The following HPGD variants were observed in gnomAD, a reference collection of about 807,000 sequenced individuals.
HPGD encodes 15-hydroxyprostaglandin dehydrogenase [NAD(+)].
In HPGD, 29 loss-of-function variants were observed where a neutral mutation model predicts 30.0. That is an observed-to-expected ratio of 0.97 (90% CI 0.72 to 1.32). The LOEUF (loss-of-function observed/expected upper bound fraction) is 1.32, where lower values mean the gene tolerates loss of function less well. Among genes scored for constraint, HPGD ranks in the 40% most tolerant of loss-of-function variants. The pLI is 0.00. For missense variants in HPGD, 340 were observed against 322.1 expected (o/e 1.06, Z -0.43); for synonymous variants, 99 against 112.4 (o/e 0.88, Z 0.75).
In HPGD at chr4:174,522,417, C is replaced by A; in HGVS notation, c.35G>T (p.Gly12Val). Residue 12 changes from glycine to valine, a missense_variant, in exon 1 of 7, where the codon GGC becomes GTC. Gly to Val is a moderately radical substitution (Grantham distance 109). Transcript: ENST00000296522. ...HVNGKVALVT[G>V]AAQGIGRAFA... The stretch of plus-strand genomic sequence containing the variant: ...GGCTCTGCCTATGCCCTGAGCCGCG[C>A]CGGTCACCAGCGCCACTTTGCCGTT... 1 of 1,583,896 alleles carries A rather than the reference C, an allele frequency of 6.3e-7. No homozygotes were observed. Among genetic ancestry groups the A allele is most frequent in the Non-Finnish European group, 8.6e-7 (1 of 1,165,856 alleles).
chr4:174,506,217 G>A (rs984476919), intron 4 of HPGD, among the ~76,000 whole-genome samples: 1 of 152,136 alleles, frequency 6.6e-6, no homozygotes, highest in African/African-American at 2.4e-5. Flanking sequence ...TTGTGACACT[G>A]GTAAGCTCCC....
chr4:174,493,229 T>G lies in HPGD; in HGVS notation c.584A>C (p.Glu195Ala), dbSNP rs750778750. The G allele has an allele frequency of 1.1e-5, 18 of 1,612,236 alleles. No individual in the cohort carries two copies. The Admixed American group carries it at 3.0e-4, about 27-fold the overall frequency. Residue 195 changes from glutamate (E) to alanine (A), a missense_variant, in exon 6 of 7, where the codon GAA becomes GCA. Transcript: ENST00000296522. Reference sequence around the variant, plus strand: ...ATATTGTCCCATGTTTTCTTCTTTTTCAATTGATTCAAGGATGGCTGTGTT... The same window carrying G: ...ATATTGTCCCATGTTTTCTTCTTTTGCAATTGATTCAAGGATGGCTGTGTT... Reference protein sequence around the residue: ...FVNTAILESIEKEENMGQYIE... With the variant: ...FVNTAILESIAKEENMGQYIE...
chr4:174,522,207 G>T, intron 1 of HPGD, 140 bp from the exon 2 acceptor site: 1 of 1,434,398 alleles, frequency 7.0e-7, no homozygotes, highest in Non-Finnish European at 9.7e-7. Flanking sequence ...CTTCTGAGGT[G>T]TGCTCACAGC....
chr4:174,500,245 A>G (rs1456877938), intron 4 of HPGD, among the ~76,000 whole-genome samples: 1 of 152,258 alleles, frequency 6.6e-6, no homozygotes, highest in Non-Finnish European at 1.5e-5. Context: ...CTAAAATTTA[A>G]ATGCTGAAGA....
chr4:174,495,188 C>T (rs550878958), intron 5 of HPGD, among the ~76,000 whole-genome samples: 1 of 152,158 alleles, frequency 6.6e-6, no homozygotes, highest in Non-Finnish European at 1.5e-5. Flanking sequence ...TCCTTTTCAT[C>T]GTATCTCTGG....
At chr4:174,503,704 C>T (rs1735034429) in intron 4 of HPGD, among the ~76,000 whole-genome samples, 1 of 149,964 alleles carries the variant, frequency 6.7e-6, no homozygotes, top group Non-Finnish European at 1.5e-5. Flanking sequence ...AAATATCATG[C>T]TTCTGGGTTT....
At chr4:174,520,576 C>T (rs1489992209) in intron 2 of HPGD, among the ~76,000 whole-genome samples, 2 of 152,162 alleles carry the variant, frequency 1.3e-5, no homozygotes, top group Non-Finnish European at 2.9e-5. Context: ...GAGTATTTTT[C>T]CTCCTCCACA....
chr4:174,516,818 T>A (rs147332297), intron 3 of HPGD, among the ~76,000 whole-genome samples: 1 of 152,218 alleles, frequency 6.6e-6, no homozygotes. Context: ...CAAGTTATTA[T>A]AGCAGTTAGG....
chr4:174,496,097 A>T lies in HPGD; in HGVS notation c.422-473T>A, dbSNP rs1484850991. On this transcript the variant is annotated intron_variant, in intron 4 of 6. Transcript: ENST00000296522. The surrounding 1 kb of genome is among the most constrained non-coding windows in gnomAD (Gnocchi z 4.6). Reference sequence around the variant, plus strand: ...TTATTAGTCTTCACTACAAATTAGTATGCAATTTCCTGTCACCAATCTGTC... The same window carrying T: ...TTATTAGTCTTCACTACAAATTAGTTTGCAATTTCCTGTCACCAATCTGTC... Among the ~76,000 whole-genome samples, 1 of 152,240 alleles carries T rather than the reference A, an allele frequency of 6.6e-6. No individual in the cohort carries two copies. The highest frequency in any genetic ancestry group is 1.5e-5 in the Non-Finnish European group (1 of 68,036).
At chr4:174,522,541 A>T (rs1192200023), upstream of HPGD, 2 of 957,780 alleles carry the variant, frequency 2.1e-6, no homozygotes, top group East Asian at 3.1e-5. Context: ...GCGCGCGTGC[A>T]GCCCGGCGGG....
intron 4 of HPGD, 107 bp downstream of exon 4, chr4:174,508,589 T>A (rs368314626): frequency 1.3e-6 from 1 of 770,750 alleles, no homozygotes; most frequent in Non-Finnish European, 2.4e-6. Flanking sequence ...ACGATCAGAT[T>A]TTTAATTTCC....
chr4:174,491,345 T>C lies in HPGD; in HGVS notation c.*611A>G, dbSNP rs1734335993. 6.5e-6 allele frequency: 1 copy of C among 152,772 alleles called. No individual in the cohort carries two copies. The highest frequency in any genetic ancestry group is 1.5e-5 in the Non-Finnish European group (1 of 68,120). The allele number at this position is 152,772 out of a possible 1,614,324, so 9.5% of individuals were successfully genotyped here. On this transcript the variant is annotated 3_prime_UTR_variant, in exon 7 of 7. Coordinates refer to ENST00000296522, the MANE Select transcript of HPGD (RefSeq NM_000860.6). ...AGGAGGCTGAACTGTGAATCAACAG[T>C]GTCAATCAGTTACTTTCTGTCATTT... is the stretch of plus-strand genomic sequence containing the variant.
chr4:174,521,870 C>G (rs1354088769), intron 2 of HPGD, 74 bp downstream of exon 2: 4 of 1,595,274 alleles, frequency 2.5e-6, no homozygotes, highest in Non-Finnish European at 3.4e-6. Flanking sequence ...CCAGGGCCCC[C>G]TGGCCGGGCT....
intron 3 of HPGD, among the ~76,000 whole-genome samples, chr4:174,511,925 C>A (rs1340158421): frequency 6.6e-6 from 1 of 152,164 alleles, no homozygotes. Flanking sequence ...GGATTACAGG[C>A]GTGAGTCACC....
At chr4:174,506,124 A>T (rs1735177550) in intron 4 of HPGD, among the ~76,000 whole-genome samples, 1 of 152,208 alleles carries the variant, frequency 6.6e-6, no homozygotes, top group Non-Finnish European at 1.5e-5. Flanking sequence ...GAGCGGGATG[A>T]CAAAGCAAGC....
rs771938024 is a variant in HPGD, at chr4:174,493,307, G to T, written c.506C>A (p.Ala169Asp). Reference protein sequence around the residue: ...VGFTRSAALAANLMNSGVRLN... With the variant: ...VGFTRSAALADNLMNSGVRLN... ...TCTCACACCACTGTTCATAAGATTA[G>T]CAGCCAACTGCCAATTAGAAGGTTG... Residue 169 changes from alanine (A) to aspartate (D), a missense_variant, in exon 6 of 7, where the codon GCT becomes GAT. By Grantham distance (126) the Ala-to-Asp change is moderately radical. Transcript: ENST00000296522. The T allele has an allele frequency of 6.2e-7, 1 of 1,613,008 alleles. No homozygotes were observed. The highest frequency in any genetic ancestry group is 1.1e-5 in the South Asian group (1 of 91,062).
upstream of HPGD, chr4:174,522,598 C>G: frequency 1.8e-6 from 1 of 550,688 alleles, no homozygotes; most frequent in Non-Finnish European, 3.1e-6. Context: ...AGCCAGCGCC[C>G]GCCGGGGAAC....
intron 4 of HPGD, among the ~76,000 whole-genome samples, chr4:174,506,475 T>C (rs1006945752): frequency 6.6e-6 from 1 of 152,224 alleles, no homozygotes; most frequent in Non-Finnish European, 1.5e-5. Flanking sequence ...ATCTAGTGGT[T>C]AAAATTCTAA....
rs771308394 is a variant in HPGD, at chr4:174,491,952, C to T, written c.*4G>A. ...TTTTCAGCTATGGCTAACACATAAG[C>T]TGTTCATTGGGTTTTTGCTTGAAAT... On this transcript the variant is annotated 3_prime_UTR_variant, in exon 7 of 7. Coordinates refer to ENST00000296522, the MANE Select transcript of HPGD (RefSeq NM_000860.6). 2 of 1,610,794 alleles carry T rather than the reference C, an allele frequency of 1.2e-6. No homozygotes were observed. Among genetic ancestry groups the T allele is most frequent in the Admixed American group, 3.3e-5 (2 of 59,976 alleles).
Sources: allele counts gnomAD v4.1 joint callset (sites outside exome capture counted in the v4.1 genomes callset), GRCh38; gene constraint gnomAD v4.1.1; non-coding constraint Gnocchi (gnomAD v3.1); transcripts MANE v1.5; gene names NCBI Gene and HGNC (gene_info 2026-07-23, HGNC 2026-07-21).